TNIK: variants seen among roughly 807,000 people sequenced by gnomAD.
The protein encoded by TNIK is TRAF2 and NCK interacting kinase.
Under a neutral mutation model 191.3 loss-of-function variants are expected in TNIK, and 49 were observed. That is an observed-to-expected ratio of 0.26 (90% confidence interval 0.20 to 0.32). The LOEUF (loss-of-function observed/expected upper bound fraction) is 0.32, where lower values mean the gene tolerates loss of function less well. TNIK is among the 10% of genes least tolerant of loss of function. TNIK has a pLI of 1.00. For missense variants in TNIK, 1,155 were observed against 1,702.3 expected, an observed-to-expected ratio of 0.68 and a Z score of 5.66; for synonymous variants, 594 against 600.9, an observed-to-expected ratio of 0.99 and a Z score of 0.17.
Position 171,386,032 on chromosome 3 carries a change from G to A in TNIK, c.58-16347C>T, listed in dbSNP as rs74408787. Reference sequence around the variant, plus strand: ...TGTTTACATCCGTATTCCCCACTCAGCTATGCTCCTGCTCCTTCCAAAGCT... The same window carrying A: ...TGTTTACATCCGTATTCCCCACTCAACTATGCTCCTGCTCCTTCCAAAGCT... On this transcript the variant is annotated intron_variant, in intron 1 of 32. Coordinates refer to ENST00000436636, the MANE Select transcript of TNIK (RefSeq NM_015028.4). 6.8e-3 allele frequency among the ~76,000 whole-genome samples: 1,029 copies of A among 152,268 alleles called. 3 individuals are homozygous for A. The highest frequency in any genetic ancestry group is 0.014 in the Middle Eastern group (4 of 294).
At chr3:171,337,892 G>C (rs1462213337) in intron 2 of TNIK, among the ~76,000 whole-genome samples, 1 of 152,160 alleles carries the variant, frequency 6.6e-6, no homozygotes, top group Non-Finnish European at 1.5e-5. Context: ...ATGAGCAGAA[G>C]CCCAAACAAA....
intron 18 of TNIK, among the ~76,000 whole-genome samples, chr3:171,114,081 T>C (rs146762983): frequency 1.3e-5 from 2 of 152,088 alleles, no homozygotes; most frequent in South Asian, 2.1e-4. Flanking sequence ...GGCTTTTTTT[T>C]ATTTTATTTT....
At chr3:171,106,273 T>A (rs1724866427) in intron 21 of TNIK, among the ~76,000 whole-genome samples, 1 of 152,160 alleles carries the variant, frequency 6.6e-6, no homozygotes, top group African/African-American at 2.4e-5. Flanking sequence ...CTAAACAATC[T>A]TGTAAGTGGG....
At chr3:171,392,390 G>T (rs1577747053) in intron 1 of TNIK, among the ~76,000 whole-genome samples, 1 of 152,120 alleles carries the variant, frequency 6.6e-6, no homozygotes, top group Non-Finnish European at 1.5e-5. Context: ...CCAGATAAAG[G>T]CAGAATGACA....
chr3:171,294,645 C>T, intron 2 of TNIK, among the ~76,000 whole-genome samples: 1 of 151,558 alleles, frequency 6.6e-6, no homozygotes, highest in South Asian at 2.1e-4. Context: ...CACTTGAACC[C>T]GGGAAACGGA....
At chr3:171,184,627 A>G (rs12492964) in intron 7 of TNIK, among the ~76,000 whole-genome samples, 7,313 of 152,316 alleles carry the variant, frequency 0.048, 268 homozygotes, top group Middle Eastern at 0.11. Context: ...GACAGAGGCC[A>G]CGACTTGTTT....
At chr3:171,275,777 G>A (rs944241159) in intron 2 of TNIK, among the ~76,000 whole-genome samples, 57 of 152,000 alleles carry the variant, frequency 3.8e-4, no homozygotes, top group African/African-American at 1.3e-3. Flanking sequence ...GGTGCCTGTA[G>A]TCCCAGCTAC....
intron 1 of TNIK, among the ~76,000 whole-genome samples, chr3:171,450,418 A>G (rs1037051752): frequency 6.6e-6 from 1 of 152,212 alleles, no homozygotes; most frequent in African/African-American, 2.4e-5. Flanking sequence ...GGAATGACTG[A>G]TTCACTAAGA....
At chr3:171,459,935 C>CCCCCCCCCGACAA in intron 1 of TNIK, 72 bp downstream of exon 1, 1 of 1,491,278 alleles carries the variant, frequency 6.7e-7, no homozygotes, top group Non-Finnish European at 9.2e-7. Flanking sequence ...AGCCCCAGCC[C>CCCCCCCCCGACAA]CCAGTCCACG....
intron 2 of TNIK, among the ~76,000 whole-genome samples, chr3:171,339,828 C>T (rs1353985676): frequency 6.6e-6 from 1 of 152,184 alleles, no homozygotes; most frequent in Non-Finnish European, 1.5e-5. Context: ...TCTGGCAGCA[C>T]CTGCAAGGTG....
At chr3:171,265,963 G>T (rs1041621181) in intron 2 of TNIK, among the ~76,000 whole-genome samples, 5 of 152,170 alleles carry the variant, frequency 3.3e-5, no homozygotes, top group African/African-American at 1.2e-4. Context: ...AGCCGGCCAG[G>T]CTGTCATGGC....
chr3:171,458,865 C>T (rs1413196636), intron 1 of TNIK, among the ~76,000 whole-genome samples: 1 of 152,136 alleles, frequency 6.6e-6, no homozygotes, highest in East Asian at 1.9e-4. Flanking sequence ...GAGGAAGAAG[C>T]AGTCCTTAAA....
At chr3:171,277,406 A>C (rs1749880406) in intron 2 of TNIK, among the ~76,000 whole-genome samples, 1 of 152,226 alleles carries the variant, frequency 6.6e-6, no homozygotes, top group Admixed American at 6.5e-5. Flanking sequence ...CAGAATAGCT[A>C]AAAGAGAAAA....
chr3:171,205,824 C>T (rs1740000065), intron 4 of TNIK, among the ~76,000 whole-genome samples: 2 of 152,186 alleles, frequency 1.3e-5, no homozygotes, highest in African/African-American at 4.8e-5. Context: ...AGGTTGCAGA[C>T]TGTTAACTTC....
At position 171,146,227 on chromosome 3, in the gene TNIK, G is replaced by A. The variant is rs1018811550; in HGVS notation, c.1222-5718C>T. Among the ~76,000 whole-genome samples, 7 of 152,144 alleles carry A rather than the reference G, an allele frequency of 4.6e-5. No individual in the cohort carries two copies. The East Asian group carries it at 5.8e-4, about 13-fold the overall frequency. ...GCTCCTGCCTGCATCTTCTTTCTCC[G>A]TTCTACTTTATGTTCCCTTCTACAT... is the stretch of plus-strand genomic sequence containing the variant. On this transcript the variant is annotated intron_variant, in intron 12 of 32. Transcript: ENST00000436636.
At chr3:171,261,194 T>C (rs565989585) in intron 2 of TNIK, among the ~76,000 whole-genome samples, 2 of 152,346 alleles carry the variant, frequency 1.3e-5, no homozygotes, top group African/African-American at 4.8e-5. Context: ...CTCTTGCCCT[T>C]TGTGGCTATA....
chr3:171,390,889 T>A (rs548611314), intron 1 of TNIK, among the ~76,000 whole-genome samples: 6 of 152,338 alleles, frequency 3.9e-5, no homozygotes, highest in Admixed American at 3.9e-4. Context: ...TTTGTGCATG[T>A]GTGATTTATA....
chr3:171,404,509 T>C lies in TNIK; in HGVS notation c.58-34824A>G, dbSNP rs182772267. Among the ~76,000 whole-genome samples, 589 of 152,132 alleles carry C rather than the reference T, an allele frequency of 3.9e-3. 2 individuals carry two copies. Among genetic ancestry groups the C allele is most frequent in the Non-Finnish European group, 5.9e-3 (404 of 68,000 alleles). On this transcript the variant is annotated intron_variant, in intron 1 of 32. Coordinates refer to ENST00000436636, the MANE Select transcript of TNIK (RefSeq NM_015028.4). ...CCAAATGCTTGGGTGTTACTAAAGA[T>C]AGTTTGTGCCTTGAGTTTGTTTTTT...
chr3:171,173,763 T>C (rs750895403), intron 9 of TNIK, among the ~76,000 whole-genome samples: 8 of 151,920 alleles, frequency 5.3e-5, no homozygotes, highest in Non-Finnish European at 7.4e-5. Context: ...AAGGAGAAGA[T>C]AGGGCAGGGA....
Sources: allele counts gnomAD v4.1 joint callset (sites outside exome capture counted in the v4.1 genomes callset), GRCh38; gene constraint gnomAD v4.1.1; transcripts MANE v1.5; gene names NCBI Gene and HGNC (gene_info 2026-07-23, HGNC 2026-07-21).